SLC38A4: variants seen among roughly 807,000 people sequenced by gnomAD.
The protein encoded by SLC38A4 is sodium-coupled neutral amino acid transporter 4.
Under a neutral mutation model 63.1 loss-of-function variants are expected in SLC38A4, and 20 were observed. The observed-to-expected ratio is 0.32, with a 90% CI of 0.22 to 0.46. SLC38A4 has a LOEUF of 0.46. Among genes scored for constraint, SLC38A4 ranks in the 20% least tolerant of loss-of-function variants. The pLI is 1.00. For synonymous variants in SLC38A4, 230 were observed against 225.5 expected, an observed-to-expected ratio of 1.02 and a Z score of -0.18; for missense variants, 526 against 663.6, an observed-to-expected ratio of 0.79 and a Z score of 2.28.
At chr12:46,779,709 A>T (rs1170602208) in intron 9 of SLC38A4, 40 bp from the exon 10 acceptor site, 1 of 1,588,940 alleles carries the variant, frequency 6.3e-7, no homozygotes, top group South Asian at 1.1e-5. Flanking sequence ...TGAATATGGC[A>T]TCTACAATTA....
chr12:46,811,471 C>G (rs57760966), intron 1 of SLC38A4, among the ~76,000 whole-genome samples: 7,880 of 152,030 alleles, frequency 0.052, 517 homozygotes, highest in East Asian at 0.24. Flanking sequence ...AGGCAAGAAG[C>G]AGTTACTGGC....
chr12:46,827,705 T>C (rs1939678069), upstream of SLC38A4, among the ~76,000 whole-genome samples: 1 of 152,118 alleles, frequency 6.6e-6, no homozygotes, highest in Non-Finnish European at 1.5e-5. Flanking sequence ...TGGATTTTGT[T>C]GTATGTTTGT....
rs774354220 is a variant in SLC38A4, at chr12:46,778,546, A to G, written c.948T>C (p.His316=). ...LHDSGVEYEA[H]SDDKCEPKYF... ...ATTTGGGTTCACACTTGTCATCACT[A>G]TGAGCTTCATATTCTACTCCACTGT... Residue 316 remains histidine (H), a synonymous_variant, in exon 11 of 17, where the codon CAT becomes CAC. Transcript: ENST00000266579. 2 of 1,612,984 alleles carry G rather than the reference A, an allele frequency of 1.2e-6. No individual in the cohort carries two copies. Among genetic ancestry groups the G allele is most frequent in the African/African-American group, 1.3e-5 (1 of 74,966 alleles).
At chr12:46,827,378 C>T (rs914591966), upstream of SLC38A4, among the ~76,000 whole-genome samples, 5 of 152,086 alleles carry the variant, frequency 3.3e-5, no homozygotes, top group African/African-American at 1.2e-4. Flanking sequence ...ATTTTACAAG[C>T]ATGGATATGG....
chr12:46,813,528 C>T (rs1939379966), intron 1 of SLC38A4, among the ~76,000 whole-genome samples: 1 of 152,000 alleles, frequency 6.6e-6, no homozygotes. Flanking sequence ...GTCAAGTTAA[C>T]CCCTTCCTCC....
chr12:46,776,602 G>A (rs1050362811), intron 13 of SLC38A4, among the ~76,000 whole-genome samples: 2 of 152,024 alleles, frequency 1.3e-5, no homozygotes, highest in Admixed American at 1.3e-4. Context: ...CTTGTAGCCT[G>A]AGTTGGACTA....
intron 1 of SLC38A4, among the ~76,000 whole-genome samples, chr12:46,810,361 G>A (rs1271310171): frequency 6.6e-6 from 1 of 151,780 alleles, no homozygotes; most frequent in African/African-American, 2.4e-5. Context: ...GGCATAGGGA[G>A]GGGAACATCA....
At chr12:46,803,108 C>A (rs1939164836) in intron 2 of SLC38A4, among the ~76,000 whole-genome samples, 1 of 152,032 alleles carries the variant, frequency 6.6e-6, no homozygotes, top group South Asian at 2.1e-4. Flanking sequence ...AAACTCTTAG[C>A]CATTCACATC....
At chr12:46,805,546 C>T (rs538378887) in intron 1 of SLC38A4, among the ~76,000 whole-genome samples, 1 of 152,078 alleles carries the variant, frequency 6.6e-6, no homozygotes, top group African/African-American at 2.4e-5. Flanking sequence ...AAAACACAGA[C>T]TTAATCATTA....
rs957045965 is a variant in SLC38A4, at chr12:46,765,971, A to G, written c.*730T>C. The G allele has an allele frequency of 6.3e-6, 1 of 158,124 alleles. No homozygotes were observed. The highest frequency in any genetic ancestry group is 1.4e-5 in the Non-Finnish European group (1 of 71,598). 9.8% of individuals were successfully genotyped at this position (158,124 alleles called of 1,614,324 possible). Reference sequence around the variant, plus strand: ...GCTTTCTAGAACAGGCAGTTTAGCTATAAGCATTATTTTTGTTGTTGCTCT... The same window carrying G: ...GCTTTCTAGAACAGGCAGTTTAGCTGTAAGCATTATTTTTGTTGTTGCTCT... On this transcript the variant is annotated 3_prime_UTR_variant, in exon 17 of 17. Coordinates refer to ENST00000266579, the MANE Select transcript of SLC38A4 (RefSeq NM_018018.5).
intron 1 of SLC38A4, among the ~76,000 whole-genome samples, chr12:46,806,751 T>C (rs932094977): frequency 1.3e-5 from 2 of 152,024 alleles, no homozygotes; most frequent in African/African-American, 4.8e-5. Flanking sequence ...GTTTCATCAA[T>C]CTATGACTAT....
intron 1 of SLC38A4, among the ~76,000 whole-genome samples, chr12:46,806,437 G>A (rs1040405220): frequency 1.3e-5 from 2 of 151,936 alleles, no homozygotes; most frequent in African/African-American, 4.8e-5. Flanking sequence ...GGAGGTGGTG[G>A]TGGAGGTGGA....
intron 11 of SLC38A4, 33 bp from the exon 12 acceptor site, chr12:46,778,401 A>C (rs1938572284): frequency 6.2e-7 from 1 of 1,611,808 alleles, no homozygotes; most frequent in South Asian, 1.1e-5. Context: ...CGTGTTTAGC[A>C]TTCCAACATA....
At position 46,765,588 on chromosome 12, in the gene SLC38A4, A is replaced by G. The variant is rs1938281733; in HGVS notation, c.*1113T>C. The G allele has an allele frequency of 5.5e-6, 1 of 180,622 alleles. No individual in the cohort carries two copies. 11.2% of individuals were successfully genotyped at this position (180,622 alleles called of 1,614,324 possible). A position where few individuals can be genotyped will look rare whatever the true frequency, so the allele number is the denominator to read the frequency against. On this transcript the variant is annotated 3_prime_UTR_variant, in exon 17 of 17. Transcript: ENST00000266579. ...ATTATCCCCAGACATTTGTAGACAG[A>G]TACATATGAATGGATTTTCGAGCCC...
intron 13 of SLC38A4, among the ~76,000 whole-genome samples, chr12:46,776,593 T>A (rs1938530086): frequency 6.6e-6 from 1 of 152,030 alleles, no homozygotes; most frequent in South Asian, 2.1e-4. Context: ...TTCTCATCAC[T>A]TGTAGCCTGA....
At chr12:46,795,561 A>G (rs915411318) in intron 2 of SLC38A4, among the ~76,000 whole-genome samples, 7 of 152,070 alleles carry the variant, frequency 4.6e-5, no homozygotes, top group Non-Finnish European at 1.0e-4. Context: ...ACGGCATTCT[A>G]TCTTCTTTCT....
intron 10 of SLC38A4, 103 bp downstream of exon 10, chr12:46,779,508 A>AT (rs1938596156): frequency 1.2e-6 from 1 of 868,144 alleles, no homozygotes; most frequent in Non-Finnish European, 1.8e-6. Context: ...TACAAGAACT[A>AT]TTTCATATTA....
At chr12:46,785,321 T>C in intron 5 of SLC38A4, 144 bp from the exon 6 acceptor site, 2 of 661,982 alleles carry the variant, frequency 3.0e-6, no homozygotes, top group South Asian at 3.9e-5. Context: ...GCTGAGAAAT[T>C]CTTTTCAGAA....
At chr12:46,827,176 G>A (rs1274408599), upstream of SLC38A4, among the ~76,000 whole-genome samples, 1 of 152,162 alleles carries the variant, frequency 6.6e-6, no homozygotes, top group Non-Finnish European at 1.5e-5. Context: ...CATTCTCTGG[G>A]CTGGACTGTC....
Sources: allele counts gnomAD v4.1 joint callset (sites outside exome capture counted in the v4.1 genomes callset), GRCh38; gene constraint gnomAD v4.1.1; transcripts MANE v1.5; gene names NCBI Gene and HGNC (gene_info 2026-07-23, HGNC 2026-07-21).